RIMS2: variants seen among roughly 807,000 people sequenced by gnomAD.
RIMS2 encodes regulating synaptic membrane exocytosis protein 2.
RIMS2 carries 59 observed loss-of-function variants against 174.4 expected under a neutral mutation model. The ratio of observed to expected loss-of-function variants is 0.34; its 90% CI spans 0.27 to 0.42. The LOEUF (loss-of-function observed/expected upper bound fraction) is 0.42, where lower values mean the gene tolerates loss of function less well. RIMS2 is among the 10% of genes least tolerant of loss of function. The pLI is 1.00. For synonymous variants in RIMS2, 606 were observed against 572.5 expected, an observed-to-expected ratio of 1.06 and a Z score of -0.84; for missense variants, 1,620 against 1,666.3, an observed-to-expected ratio of 0.97 and a Z score of 0.48.
chr8:103,655,477 T>C (rs2096518121), intron 1 of RIMS2, among the ~76,000 whole-genome samples: 1 of 152,038 alleles, frequency 6.6e-6, no homozygotes, highest in Non-Finnish European at 1.5e-5. Context: ...AAAAAAAGTT[T>C]CCAATGCAAA....
chr8:104,164,302 T>C (rs745335219), intron 19 of RIMS2, among the ~76,000 whole-genome samples: 12 of 152,164 alleles, frequency 7.9e-5, no homozygotes, highest in Non-Finnish European at 1.8e-4. Flanking sequence ...AGCACTAGTT[T>C]GATAAAGTTC....
chr8:103,620,002 TAACA>T (rs546249606), intron 1 of RIMS2, among the ~76,000 whole-genome samples: 130 of 152,276 alleles, frequency 8.5e-4, no homozygotes, highest in African/African-American at 3.0e-3. Flanking sequence ...ATTTTACCTA[TAACA>T]AACAGACTAG....
intron 3 of RIMS2, among the ~76,000 whole-genome samples, chr8:103,782,656 A>ACACAAT (rs2098402985): frequency 6.6e-6 from 1 of 152,120 alleles, no homozygotes; most frequent in African/African-American, 2.4e-5. Flanking sequence ...TCATTAGCCA[A>ACACAAT]CACAATATTA....
intron 2 of RIMS2, among the ~76,000 whole-genome samples, chr8:103,730,039 T>C (rs2097572101): frequency 6.6e-6 from 1 of 152,148 alleles, no homozygotes; most frequent in African/African-American, 2.4e-5. Flanking sequence ...ATGCAGGCAG[T>C]GTTCTGTAAT....
chr8:104,149,950 T>C (rs1052892018), intron 19 of RIMS2, among the ~76,000 whole-genome samples: 2 of 152,170 alleles, frequency 1.3e-5, no homozygotes, highest in African/African-American at 4.8e-5. Context: ...TAATTTGGTG[T>C]TGTAAAATAC....
intron 2 of RIMS2, among the ~76,000 whole-genome samples, chr8:103,724,220 T>C (rs1200762637): frequency 3.9e-5 from 6 of 152,126 alleles, no homozygotes. Flanking sequence ...ATTCCTTAGC[T>C]CTTGTGAGTG....
rs1324212925 is a variant in RIMS2, at chr8:103,542,653, A to G, written c.176+41591A>G. Reference sequence around the variant, plus strand: ...ATACTAGCAAACTGAATTCAACACCATATTAAATGGACCATCCACCATGAT... The same window carrying G: ...ATACTAGCAAACTGAATTCAACACCGTATTAAATGGACCATCCACCATGAT... On this transcript the variant is annotated intron_variant, in intron 1 of 23. Coordinates refer to ENST00000504942, the Ensembl canonical transcript of RIMS2. Among the ~76,000 whole-genome samples the G allele has an allele frequency of 2.0e-5, 3 of 152,194 alleles. No individual in the cohort carries two copies. In the East Asian group the frequency reaches 5.8e-4, roughly 29 times the overall value.
rs12677138 is a variant in RIMS2 at position 103,679,240 on chromosome 8, C to T, written c.177-17846C>T. ...AAGGAAACTGCTCAATTTGAGTCCT[C>T]ATAAATCTTATCTTATGAGGAGCTC... On this transcript the variant is annotated intron_variant, in intron 1 of 23. Coordinates refer to ENST00000504942, the Ensembl canonical transcript of RIMS2. 9.8e-3 allele frequency among the ~76,000 whole-genome samples: 1,493 copies of T among 152,076 alleles called. 21 individuals carry two copies. Among genetic ancestry groups the T allele is most frequent in the South Asian group, 0.049 (236 of 4,824 alleles).
At chr8:103,553,025 G>T (rs1746173806) in intron 1 of RIMS2, among the ~76,000 whole-genome samples, 1 of 152,180 alleles carries the variant, frequency 6.6e-6, no homozygotes, top group Admixed American at 6.5e-5. Context: ...AACCATTGTG[G>T]AAGACAGCGT....
chr8:104,119,000 ACCAGGAAT>A (rs1408166420), intron 19 of RIMS2, among the ~76,000 whole-genome samples: 1 of 152,070 alleles, frequency 6.6e-6, no homozygotes, highest in Non-Finnish European at 1.5e-5. Flanking sequence ...TTATGGTATC[ACCAGGAAT>A]TTTTGAGGGA....
At chr8:103,529,562 C>A (rs137877993) in intron 1 of RIMS2, among the ~76,000 whole-genome samples, 2 of 152,166 alleles carry the variant, frequency 1.3e-5, no homozygotes, top group Non-Finnish European at 2.9e-5. Context: ...ATTCCCTGAC[C>A]CCTTCTGCTT....
Position 103,979,539 on chromosome 8 carries a change from A to G in RIMS2, c.2927+4033A>G, listed in dbSNP as rs565895749. Among the ~76,000 whole-genome samples the G allele has an allele frequency of 1.1e-4, 17 of 152,310 alleles. No homozygotes were observed. The South Asian group carries it at 1.5e-3, about 13-fold the overall frequency. On this transcript the variant is annotated intron_variant, in intron 16 of 23. Coordinates refer to ENST00000504942, the Ensembl canonical transcript of RIMS2. Reference sequence around the variant, plus strand: ...TGTGAGGGGACAAAGCAAGATGGGGAATACGTGCACCATTCATATCTTCAC... The same window carrying G: ...TGTGAGGGGACAAAGCAAGATGGGGGATACGTGCACCATTCATATCTTCAC...
At chr8:104,029,952 CTG>C (rs961965188) in intron 19 of RIMS2, among the ~76,000 whole-genome samples, 2 of 152,106 alleles carry the variant, frequency 1.3e-5, no homozygotes, top group African/African-American at 2.4e-5. Flanking sequence ...GGGAAATACT[CTG>C]TTGTTTTTTG....
At chr8:103,756,956 C>G (rs916943894) in intron 2 of RIMS2, among the ~76,000 whole-genome samples, 1 of 147,148 alleles carries the variant, frequency 6.8e-6, no homozygotes. Flanking sequence ...TTATTTCATC[C>G]TTTCTCGTAT....
At chr8:104,221,713 T>C (rs1487405767) in intron 19 of RIMS2, among the ~76,000 whole-genome samples, 1 of 152,232 alleles carries the variant, frequency 6.6e-6, no homozygotes, top group African/African-American at 2.4e-5. Flanking sequence ...AAGTTGTTAC[T>C]TTTTCTTACC....
At chr8:104,197,060 T>C (rs1263231904) in intron 19 of RIMS2, among the ~76,000 whole-genome samples, 1 of 152,178 alleles carries the variant, frequency 6.6e-6, no homozygotes, top group Non-Finnish European at 1.5e-5. Context: ...TTAAGACATA[T>C]GTCTCTTTTA....
intron 19 of RIMS2, among the ~76,000 whole-genome samples, chr8:104,117,314 A>T (rs997863053): frequency 6.6e-6 from 1 of 152,148 alleles, no homozygotes; most frequent in African/African-American, 2.4e-5. Context: ...AATCTAATGT[A>T]TTCACACAGG....
At chr8:104,101,569 C>A (rs929109027) in intron 19 of RIMS2, among the ~76,000 whole-genome samples, 4 of 152,110 alleles carry the variant, frequency 2.6e-5, no homozygotes, top group African/African-American at 2.4e-5. Context: ...GATACACACA[C>A]ACACACATAT....
intron 1 of RIMS2, among the ~76,000 whole-genome samples, chr8:103,642,131 C>T (rs2096243795): frequency 6.6e-6 from 1 of 151,984 alleles, no homozygotes; most frequent in Non-Finnish European, 1.5e-5. Context: ...CTTATTTTAT[C>T]TTCTAATTTT....
Sources: gnomAD v4.1 joint callset for allele counts (sites outside exome capture counted in the v4.1 genomes callset) on GRCh38, gnomAD v4.1.1 for gene constraint, MANE v1.5 for transcripts, NCBI Gene and HGNC (gene_info 2026-07-23, HGNC 2026-07-21) for gene names.